The following IQCH variants were observed in gnomAD, a reference collection of about 807,000 sequenced individuals.
The protein encoded by IQCH is IQ motif containing H, also known as IQ domain-containing protein H.
A neutral mutation model predicts 117.0 loss-of-function variants in IQCH; 98 were observed. The ratio of observed to expected loss-of-function variants is 0.84; its 90% CI spans 0.71 to 0.99. IQCH has a LOEUF of 0.99. IQCH is among the 50% of genes least tolerant of loss of function. The pLI, the probability that IQCH is intolerant of heterozygous loss-of-function variation, is 0.00. For missense variants in IQCH, 1,102 were observed against 1,243.8 expected, an observed-to-expected ratio of 0.89 and a Z score of 1.72; for synonymous variants, 412 against 448.2, an observed-to-expected ratio of 0.92 and a Z score of 1.02.
intron 18 of IQCH, among the ~76,000 whole-genome samples, chr15:67,482,897 T>G (rs959498266): frequency 6.6e-6 from 1 of 152,188 alleles, no homozygotes; most frequent in South Asian, 2.1e-4. Flanking sequence ...AAAATGTTGT[T>G]AACATTGAGG....
intron 5 of IQCH, among the ~76,000 whole-genome samples, chr15:67,338,617 A>C (rs1969008657): frequency 6.6e-6 from 1 of 152,206 alleles, no homozygotes; most frequent in Non-Finnish European, 1.5e-5. Flanking sequence ...AGAAGAGAGA[A>C]TCATTTTGAA....
chr15:67,302,641 G>A (rs546122634), intron 4 of IQCH, among the ~76,000 whole-genome samples: 4 of 152,094 alleles, frequency 2.6e-5, no homozygotes, highest in Admixed American at 6.5e-5. Flanking sequence ...GGTGGATCAC[G>A]AGGTCAGGAG....
In IQCH at chr15:67,279,435, C is replaced by T. The variant is rs766210995; in HGVS notation, c.310C>T (p.Pro104Ser). Residue 104 changes from proline to serine, a missense_variant, in exon 4 of 21, where the codon CCT becomes TCT. Pro to Ser is a moderately conservative substitution (Grantham distance 74). This residue lies in a region of IQCH where 452 missense variants were observed against 449.6 expected (regional missense o/e 1.01). Transcript: ENST00000335894. ...TVIDQKSFIF[P>S]QESEGTFWQP... ...AATTGATCAGAAATCATTTATTTTC[C>T]CTCAGGAATCTGAGGGTACATTTTG... The T allele has an allele frequency of 1.2e-6, 2 of 1,606,424 alleles. No homozygotes were observed. Among genetic ancestry groups the T allele is most frequent in the Admixed American group, 1.7e-5 (1 of 59,310 alleles).
intron 17 of IQCH, among the ~76,000 whole-genome samples, chr15:67,471,190 C>A (rs530617382): frequency 6.6e-6 from 1 of 152,162 alleles, no homozygotes; most frequent in Non-Finnish European, 1.5e-5. Flanking sequence ...TCATTTGGCA[C>A]ATTTAAGGTA....
rs548147829 is a variant in IQCH, at chr15:67,369,515, G to A, written c.754-2596G>A. ...AGAAAAAGAAAAAAGAGAAAGAAGA[G>A]AGGGAAGGGGAAAGAAGGGAAGGAG... On this transcript the variant is annotated intron_variant, in intron 8 of 20. Coordinates refer to ENST00000335894, the MANE Select transcript of IQCH (RefSeq NM_001031715.3). This position sits in a 1 kb window ranked among gnomAD's most constrained non-coding sequence, Gnocchi z 5.2. Among the ~76,000 whole-genome samples the A allele has an allele frequency of 1.3e-5, 2 of 150,960 alleles. No individual in the cohort carries two copies. Among genetic ancestry groups the A allele is most frequent in the African/African-American group, 4.9e-5 (2 of 40,958 alleles).
chr15:67,348,826 A>G (rs1189825824), intron 6 of IQCH, among the ~76,000 whole-genome samples: 2 of 152,208 alleles, frequency 1.3e-5, no homozygotes, highest in African/African-American at 4.8e-5. Flanking sequence ...GAAAAAGGAA[A>G]ACAGCATTGG....
intron 4 of IQCH, among the ~76,000 whole-genome samples, chr15:67,316,267 G>C (rs975946): frequency 0.68 from 102,767 of 152,078 alleles, 35,336 homozygotes; most frequent in Middle Eastern, 0.84. Flanking sequence ...CAAGAGAGCA[G>C]TAGCATTGTC....
chr15:67,284,898 A>G lies in IQCH; in HGVS notation c.387+5386A>G, dbSNP rs192503125. ...TTGATTCCATGTCTTTGCTACTGTG[A>G]ATAGTGCTACAGTGAACATATGTGT... On this transcript the variant is annotated intron_variant, in intron 4 of 20. Coordinates refer to ENST00000335894, the MANE Select transcript of IQCH (RefSeq NM_001031715.3). Among the ~76,000 whole-genome samples, 182 of 152,262 alleles carry G rather than the reference A, an allele frequency of 1.2e-3. 7 individuals are homozygous for G. Among genetic ancestry groups the G allele is most frequent in the Admixed American group, 0.012 (181 of 15,288 alleles).
At chr15:67,429,957 G>A (rs2081985286) in intron 16 of IQCH, among the ~76,000 whole-genome samples, 1 of 152,166 alleles carries the variant, frequency 6.6e-6, no homozygotes, top group Non-Finnish European at 1.5e-5. Context: ...GCATCAAGTA[G>A]AACACACGGT....
intron 4 of IQCH, among the ~76,000 whole-genome samples, chr15:67,332,614 A>G: frequency 6.6e-6 from 1 of 152,230 alleles, no homozygotes; most frequent in Non-Finnish European, 1.5e-5. Flanking sequence ...CTAAACAATT[A>G]TAGAATCATG....
chr15:67,255,148 C>G lies in IQCH; in HGVS notation c.51+201C>G, dbSNP rs1596033178. On this transcript the variant is annotated intron_variant, in intron 1 of 20. Coordinates refer to ENST00000335894, the MANE Select transcript of IQCH (RefSeq NM_001031715.3). ...TCCCGGTGACTTACCCTGTAGGTTA[C>G]GCCCCAGAAGCAGGACTTTCTGCCT... 3 of 611,386 alleles carry G rather than the reference C, an allele frequency of 4.9e-6. No individual in the cohort carries two copies. In the Admixed American group the frequency reaches 8.5e-5, roughly 17 times the overall value. 37.9% of individuals were successfully genotyped at this position (611,386 alleles called of 1,614,324 possible).
intron 12 of IQCH, among the ~76,000 whole-genome samples, chr15:67,394,642 A>G (rs1271857887): frequency 1.3e-5 from 2 of 152,256 alleles, no homozygotes; most frequent in Non-Finnish European, 2.9e-5. Flanking sequence ...AGCTGGGACT[A>G]ACTAGTCAAA....
rs535930052 is a variant in IQCH, at chr15:67,337,996, C to T, written c.508+901C>T. Among the ~76,000 whole-genome samples, 215 of 152,306 alleles carry T rather than the reference C, an allele frequency of 1.4e-3. 1 individual carries two copies. Among genetic ancestry groups the T allele is most frequent in the African/African-American group, 5.0e-3 (209 of 41,554 alleles). On this transcript the variant is annotated intron_variant, in intron 5 of 20. Transcript: ENST00000335894. Reference sequence around the variant, plus strand: ...ATAAATCTCTGGATTTGTTAAGCTTCTCACAACTTTCCTGGTTATAAACCA... The same window carrying T: ...ATAAATCTCTGGATTTGTTAAGCTTTTCACAACTTTCCTGGTTATAAACCA...
chr15:67,499,337 C>T (rs564496517), intron 20 of IQCH, among the ~76,000 whole-genome samples: 12 of 120,270 alleles, frequency 1.0e-4, no homozygotes, highest in African/African-American at 2.8e-4. Context: ...TACAAATGGC[C>T]AATAAGTATA....
intron 16 of IQCH, among the ~76,000 whole-genome samples, chr15:67,449,674 G>A (rs1212797649): frequency 3.9e-5 from 6 of 152,172 alleles, no homozygotes; most frequent in Admixed American, 2.0e-4. Flanking sequence ...CTCCAGCTTC[G>A]TTCTTTTGGC....
intron 16 of IQCH, among the ~76,000 whole-genome samples, chr15:67,429,088 C>T (rs1239667180): frequency 2.0e-5 from 3 of 152,284 alleles, no homozygotes; most frequent in East Asian, 3.9e-4. Flanking sequence ...GACTTCTGAC[C>T]CACAGAGCTG....
intron 16 of IQCH, among the ~76,000 whole-genome samples, chr15:67,444,086 C>T (rs1015589076): frequency 4.6e-5 from 7 of 152,118 alleles, no homozygotes; most frequent in African/African-American, 1.7e-4. Flanking sequence ...AAGTATCTCC[C>T]CCCACAACCA....
In IQCH at chr15:67,479,105, T is replaced by C. The variant is rs1282016065; in HGVS notation, c.2799+3287T>C. ...CCTGGTCAGGACTCTTCACTTGCTGTCTTAATTGCCTTTTCTTGGATGGGA... is the reference window on the plus strand; with the variant it reads ...CCTGGTCAGGACTCTTCACTTGCTGCCTTAATTGCCTTTTCTTGGATGGGA... On this transcript the variant is annotated intron_variant, in intron 18 of 20. Coordinates refer to ENST00000335894, the MANE Select transcript of IQCH (RefSeq NM_001031715.3). The surrounding 1 kb of genome is among the most constrained non-coding windows in gnomAD (Gnocchi z 4.6). Among the ~76,000 whole-genome samples the C allele has an allele frequency of 6.6e-6, 1 of 152,144 alleles. No individual in the cohort carries two copies. Among genetic ancestry groups the C allele is most frequent in the Non-Finnish European group, 1.5e-5 (1 of 68,020 alleles).
intron 4 of IQCH, among the ~76,000 whole-genome samples, chr15:67,318,613 A>T (rs12440869): frequency 0.3 from 45,117 of 152,072 alleles, 6,893 homozygotes; most frequent in South Asian, 0.37. Context: ...AAAGAAGATT[A>T]ATGAAGGTGA....
Sources: allele counts gnomAD v4.1 joint callset (sites outside exome capture counted in the v4.1 genomes callset), GRCh38; gene constraint gnomAD v4.1.1; regional missense constraint gnomAD v4.1.1; non-coding constraint Gnocchi (gnomAD v3.1); transcripts MANE v1.5; gene names NCBI Gene and HGNC (gene_info 2026-07-23, HGNC 2026-07-21).